The following RFX7 variants were observed in gnomAD, a reference collection of about 807,000 sequenced individuals.
RFX7 encodes regulatory factor X7, also known as DNA-binding protein RFX7.
A neutral mutation model predicts 111.8 loss-of-function variants in RFX7; 26 were observed. That is an observed-to-expected ratio of 0.23 (90% CI 0.17 to 0.32). The LOEUF (loss-of-function observed/expected upper bound fraction) is 0.32. RFX7 is among the 10% of genes least tolerant of loss of function. The probability of loss-of-function intolerance (pLI) is 1.00; values close to 1 mark genes in which losing one functional copy is unlikely to be tolerated. For missense variants in RFX7, 1,573 were observed against 1,772.9 expected (o/e 0.89, Z 2.02); for synonymous variants, 624 against 624.4 (o/e 1.00, Z 0.01).
chr15:56,102,145 A>T (rs747488261), intron 7 of RFX7, 24 bp downstream of exon 7: 2 of 1,554,760 alleles, frequency 1.3e-6, no homozygotes, highest in African/African-American at 1.4e-5. Context: ...TTTACTTATT[A>T]AAAAGAAAAG....
intron 3 of RFX7, among the ~76,000 whole-genome samples, chr15:56,175,731 C>G (rs1373702945): frequency 6.6e-6 from 1 of 152,016 alleles, no homozygotes; most frequent in Non-Finnish European, 1.5e-5. Flanking sequence ...CAAAATGGTT[C>G]AAACATCTAA....
At position 56,243,293 on chromosome 15, in the gene RFX7, G is replaced by A. The variant is rs1996676; in HGVS notation, c.-2-6C>T. Reference sequence around the variant, plus strand: ...TTGTTGTTCCTCTGCCATCGCTGCAGAGGGGTGGGAGGGAGGGAGGGAAAG... The same window carrying A: ...TTGTTGTTCCTCTGCCATCGCTGCAAAGGGGTGGGAGGGAGGGAGGGAAAG... On this transcript the variant is annotated splice_region_variant and splice_polypyrimidine_tract_variant and intron_variant, in intron 1 of 9. Transcript: ENST00000559447. The A allele has an allele frequency of 8.9e-7, 1 of 1,125,978 alleles. No homozygotes were observed. The highest frequency in any genetic ancestry group is 1.1e-6 in the Non-Finnish European group (1 of 890,474). The allele number at this position is 1,125,978 out of a possible 1,614,324, so 69.7% of individuals were successfully genotyped here.
At chr15:56,243,062 C>CCCCCCCCTTTG in intron 2 of RFX7, 63 bp downstream of exon 2, 1 of 1,049,046 alleles carries the variant, frequency 9.5e-7, no homozygotes, top group Non-Finnish European at 1.3e-6. Context: ...CGCCGCCCCC[C>CCCCCCCCTTTG]ACCCACTTTG....
At chr15:56,098,026 A>C in intron 9 of RFX7, 55 bp downstream of exon 9, 1 of 1,526,306 alleles carries the variant, frequency 6.6e-7, no homozygotes, top group South Asian at 1.2e-5. Flanking sequence ...ACTTTTAAGT[A>C]AACAGTTGAT....
intron 9 of RFX7, among the ~76,000 whole-genome samples, chr15:56,097,582 CACAAAAAT>C (rs1355519967): frequency 6.6e-6 from 1 of 151,248 alleles, no homozygotes; most frequent in African/African-American, 2.4e-5. Flanking sequence ...AAATACAAAA[CACAAAAAT>C]ACAAAAATTA....
Position 56,091,465 on chromosome 15 carries a change from A to T in RFX7, c.*1880T>A, listed in dbSNP as rs541872157. On this transcript the variant is annotated 3_prime_UTR_variant, in exon 10 of 10. Coordinates refer to ENST00000559447, the MANE Select transcript of RFX7 (RefSeq NM_022841.7). ...AAAATCCTCCAGTCTTAATATTTTT[A>T]TCAAAAAAGATTTCCATTATTTTTA... 6.5e-6 allele frequency: 1 copy of T among 152,688 alleles called. No homozygotes were observed. Among genetic ancestry groups the T allele is most frequent in the Non-Finnish European group, 1.5e-5 (1 of 67,964 alleles). The allele number at this position is 152,688 out of a possible 1,614,324, so 9.5% of individuals were successfully genotyped here.
intron 4 of RFX7, 93 bp from the exon 5 acceptor site, chr15:56,142,993 C>T (rs2042422051): frequency 1.5e-6 from 2 of 1,370,688 alleles, no homozygotes; most frequent in Admixed American, 4.0e-5. Context: ...GAACTGTATA[C>T]AAATACACTA....
intron 3 of RFX7, among the ~76,000 whole-genome samples, chr15:56,164,804 C>G (rs569075267): frequency 6.6e-6 from 1 of 152,320 alleles, no homozygotes; most frequent in South Asian, 2.1e-4. Context: ...ATAGGCTTTG[C>G]TGTTCACTAA....
At chr15:56,191,648 T>C (rs2043101578) in intron 2 of RFX7, among the ~76,000 whole-genome samples, 1 of 152,192 alleles carries the variant, frequency 6.6e-6, no homozygotes, top group Non-Finnish European at 1.5e-5. Context: ...CTGTATTTTA[T>C]TAGTCCATTT....
intron 3 of RFX7, among the ~76,000 whole-genome samples, chr15:56,155,341 A>G (rs1446277766): frequency 1.3e-5 from 2 of 152,216 alleles, no homozygotes; most frequent in African/African-American, 2.4e-5. Context: ...ACTATTCACA[A>G]TAGCAAAGAC....
chr15:56,170,855 CCA>C (rs1371151407), intron 3 of RFX7, among the ~76,000 whole-genome samples: 8 of 152,056 alleles, frequency 5.3e-5, no homozygotes, highest in African/African-American at 1.9e-4. Flanking sequence ...GTCTTCTATT[CCA>C]CAGTTTGCTG....
chr15:56,090,391 A>C lies in RFX7; in HGVS notation c.*2954T>G, dbSNP rs1313335013. ...TTCTTCTGGATTAATAGCACACAGC[A>C]GATCAGCAGCACTGTTCTGCCTTCT... On this transcript the variant is annotated 3_prime_UTR_variant, in exon 10 of 10. Coordinates refer to ENST00000559447, the MANE Select transcript of RFX7 (RefSeq NM_022841.7). 6.6e-6 allele frequency: 1 copy of C among 152,262 alleles called. No individual in the cohort carries two copies. Among genetic ancestry groups the C allele is most frequent in the African/African-American group, 2.4e-5 (1 of 41,450 alleles). 9.4% of individuals were successfully genotyped at this position (152,262 alleles called of 1,614,324 possible).
chr15:56,159,195 A>C (rs893425992), intron 3 of RFX7, among the ~76,000 whole-genome samples: 1 of 152,216 alleles, frequency 6.6e-6, no homozygotes, highest in Admixed American at 6.5e-5. Flanking sequence ...AAGGCTGAAT[A>C]CTACTTCATT....
intron 2 of RFX7, among the ~76,000 whole-genome samples, chr15:56,230,456 G>A (rs532638013): frequency 5.3e-5 from 8 of 152,288 alleles, no homozygotes; most frequent in Non-Finnish European, 4.4e-5. Context: ...TCTGTAAAGT[G>A]TAACATCAGT....
At chr15:56,213,073 A>T (rs1780550982) in intron 2 of RFX7, among the ~76,000 whole-genome samples, 1 of 152,248 alleles carries the variant, frequency 6.6e-6, no homozygotes, top group African/African-American at 2.4e-5. Flanking sequence ...GTCTGTGGGA[A>T]TGTAACATGG....
chr15:56,089,540 A>G lies in RFX7; in HGVS notation c.*3805T>C, dbSNP rs1241031069. ...ACCTCAGGTGTTACACAGTATTTTC[A>G]CCCCCAGAATTTCTTACTGGTTGAC... On this transcript the variant is annotated 3_prime_UTR_variant, in exon 10 of 10. Coordinates refer to ENST00000559447, the MANE Select transcript of RFX7 (RefSeq NM_022841.7). 6.6e-6 allele frequency: 1 copy of G among 151,730 alleles called. No homozygotes were observed. Among genetic ancestry groups the G allele is most frequent in the Non-Finnish European group, 1.5e-5 (1 of 67,954 alleles). 9.4% of individuals were successfully genotyped at this position (151,730 alleles called of 1,614,324 possible).
At chr15:56,175,880 C>T (rs1218196330) in intron 3 of RFX7, among the ~76,000 whole-genome samples, 1 of 152,062 alleles carries the variant, frequency 6.6e-6, no homozygotes, top group Non-Finnish European at 1.5e-5. Context: ...ACAAAATGGT[C>T]AGAAACTAGG....
rs141230819 is a variant in RFX7, at chr15:56,218,379, G to A, written c.161+24746C>T. ...ACTCCTGACCTCAGGTGATCTGCCC[G>A]CCTCAGCCTCCCAAAGTGCTGGGAT... On this transcript the variant is annotated intron_variant, in intron 2 of 9. Transcript: ENST00000559447. 5.9e-3 allele frequency among the ~76,000 whole-genome samples: 904 copies of A among 152,076 alleles called. 7 individuals are homozygous for A. The highest frequency in any genetic ancestry group is 0.034 in the Middle Eastern group (10 of 290).
At chr15:56,157,705 G>T (rs1052985028) in intron 3 of RFX7, among the ~76,000 whole-genome samples, 2 of 152,188 alleles carry the variant, frequency 1.3e-5, no homozygotes, top group Non-Finnish European at 2.9e-5. Context: ...TCAGCCTCCT[G>T]AGTAGCTGGG....
Sources: gnomAD v4.1 joint callset for allele counts (sites outside exome capture counted in the v4.1 genomes callset) on GRCh38, gnomAD v4.1.1 for gene constraint, MANE v1.5 for transcripts, NCBI Gene and HGNC (gene_info 2026-07-23, HGNC 2026-07-21) for gene names.